CACNA1H: variants seen among roughly 807,000 people sequenced by gnomAD.
CACNA1H encodes calcium voltage-gated channel subunit alpha1 H.
A neutral mutation model predicts 192.5 loss-of-function variants in CACNA1H; 149 were observed. The observed-to-expected ratio is 0.77, with a 90% CI of 0.68 to 0.89. The LOEUF (loss-of-function observed/expected upper bound fraction) is 0.89. Among genes scored for constraint, CACNA1H ranks in the 40% least tolerant of loss-of-function variants. The pLI, the probability that CACNA1H is intolerant of heterozygous loss-of-function variation, is 0.00. For synonymous variants in CACNA1H, 2,202 were observed against 1,475.2 expected (o/e 1.49, Z -11.29); for missense variants, 4,257 against 3,423.5 (o/e 1.24, Z -6.08).
At chr16:1,168,406 G>A (rs780923103) in intron 2 of CACNA1H, among the ~76,000 whole-genome samples, 23 of 152,114 alleles carry the variant, frequency 1.5e-4, no homozygotes, top group Non-Finnish European at 2.8e-4. Flanking sequence ...CCAACGATGT[G>A]GGGAGGCTCC....
intron 12 of CACNA1H, 197 bp from the exon 13 acceptor site, chr16:1,206,804 C>T (rs1596440023): frequency 1.7e-5 from 10 of 582,732 alleles, no homozygotes; most frequent in Admixed American, 3.0e-5. Flanking sequence ...GGAATGGACA[C>T]TACTGAGTTG....
At position 1,206,113 on chromosome 16, in the gene CACNA1H, G is replaced by A; in HGVS notation, c.2613G>A (p.Glu871=). 6.3e-7 allele frequency: 1 copy of A among 1,580,676 alleles called. No homozygotes were observed. Among genetic ancestry groups the A allele is most frequent in the Non-Finnish European group, 8.6e-7 (1 of 1,166,480 alleles). The change falls in exon 12 of 35, where the codon GAG becomes GAA. Residue 871 remains glutamate (E), a synonymous_variant. Coordinates refer to ENST00000348261, the MANE Select transcript of CACNA1H (RefSeq NM_021098.3). Reference sequence around the variant, plus strand: ...CCCCACCTGTCCGCAGCGTCTGGGAGATCGTGGGGCAGGCGGACGGTGGCT... The same window carrying A: ...CCCCACCTGTCCGCAGCGTCTGGGAAATCGTGGGGCAGGCGGACGGTGGCT... The part of the protein sequence containing the change: ...DGIIVVISVW[E]IVGQADGGLS...
chr16:1,193,265 G>C (rs909372520), intron 2 of CACNA1H, among the ~76,000 whole-genome samples: 2 of 152,248 alleles, frequency 1.3e-5, no homozygotes, highest in Non-Finnish European at 2.9e-5. Context: ...TGCTATTTGC[G>C]GCAGTTAGGG....
At chr16:1,216,787 A>G in intron 30 of CACNA1H, 145 bp from the exon 31 acceptor site, 2 of 630,826 alleles carry the variant, frequency 3.2e-6, no homozygotes, top group Non-Finnish European at 5.4e-6. Context: ...AGCTCTGGGA[A>G]CTTGCTTCCA....
intron 2 of CACNA1H, among the ~76,000 whole-genome samples, chr16:1,184,611 G>A (rs576393492): frequency 3.9e-5 from 6 of 152,372 alleles, no homozygotes; most frequent in African/African-American, 9.6e-5. Flanking sequence ...AGGTCTCAAG[G>A]GGCTGGAGGG....
At chr16:1,172,260 G>T (rs1049312505) in intron 2 of CACNA1H, among the ~76,000 whole-genome samples, 4 of 152,202 alleles carry the variant, frequency 2.6e-5, no homozygotes, top group Non-Finnish European at 5.9e-5. Context: ...GGGAGTTGGG[G>T]CTGGGGCTCC....
At position 1,210,946 on chromosome 16, in the gene CACNA1H, C is replaced by T. The variant is rs1175082193; in HGVS notation, c.4198C>T (p.Leu1400=). 3.1e-6 allele frequency: 5 copies of T among 1,598,710 alleles called. No homozygotes were observed. In the Admixed American group the frequency reaches 6.7e-5, roughly 21 times the overall value. ...CCTGGGTGTTCTGCGCGTGCTGCGTCTGCTGCGGACCCTGCGGCCTCTGAG... is the reference window on the plus strand; with the variant it reads ...CCTGGGTGTTCTGCGCGTGCTGCGTTTGCTGCGGACCCTGCGGCCTCTGAG... The part of the protein sequence containing the change: ...KILGVLRVLR[L]LRTLRPLRVI... Residue 1400 remains leucine (L), a synonymous_variant, in exon 21 of 35, where the codon CTG becomes TTG. Coordinates refer to ENST00000348261, the MANE Select transcript of CACNA1H (RefSeq NM_021098.3).
In CACNA1H at chr16:1,206,155, C is replaced by T. The variant is rs1291957976; in HGVS notation, c.2655C>T (p.Thr885=). 2.5e-6 allele frequency: 4 copies of T among 1,585,620 alleles called. No homozygotes were observed. The highest frequency in any genetic ancestry group is 3.5e-5 in the Admixed American group (2 of 56,524). The change falls in exon 12 of 35, where the codon ACC becomes ACT. Residue 885 remains threonine, a synonymous_variant. Transcript: ENST00000348261. Reference sequence around the variant, plus strand: ...ACGGTGGCTTGTCTGTGCTGCGCACCTTCCGGCTGCTGCGTGTGCTGAAGC... The same window carrying T: ...ACGGTGGCTTGTCTGTGCTGCGCACTTTCCGGCTGCTGCGTGTGCTGAAGC... ...QADGGLSVLR[T]FRLLRVLKLV...
At position 1,204,280 on chromosome 16, in the gene CACNA1H, G is replaced by C. The variant is rs971520094; in HGVS notation, c.2273G>C (p.Ser758Thr). 1.2e-6 allele frequency: 2 copies of C among 1,607,536 alleles called. No individual in the cohort carries two copies. Among genetic ancestry groups the C allele is most frequent in the African/African-American group, 2.7e-5 (2 of 74,910 alleles). Residue 758 changes from serine to threonine, a missense_variant, in exon 10 of 35, where the codon AGC becomes ACC. By Grantham distance (58) the Ser-to-Thr change is moderately conservative (BLOSUM62 1). Coordinates refer to ENST00000348261, the MANE Select transcript of CACNA1H (RefSeq NM_021098.3). ...ATDTPGPGPG[S>T]PQRRAQQRAA... ...GACACACCAGGCCCAGGCCCAGGCAGCCCCCAGCGGCGGGCACAGCAGAGG... is the reference window on the plus strand; with the variant it reads ...GACACACCAGGCCCAGGCCCAGGCACCCCCCAGCGGCGGGCACAGCAGAGG...
At chr16:1,196,188 T>G (rs1275173600) in intron 5 of CACNA1H, among the ~76,000 whole-genome samples, 165 bp downstream of exon 5, 1 of 152,238 alleles carries the variant, frequency 6.6e-6, no homozygotes, top group Non-Finnish European at 1.5e-5. Context: ...CCTGCCGCTA[T>G]CCGTGGGCCT....
chr16:1,191,137 C>T (rs1245175999), intron 2 of CACNA1H, among the ~76,000 whole-genome samples: 153 of 91,894 alleles, frequency 1.7e-3, no homozygotes, highest in African/African-American at 7.7e-3. Flanking sequence ...CACTCGGGGT[C>T]TCTCTGACTC....
At position 1,200,461 on chromosome 16, in the gene CACNA1H, T is replaced by A. The variant is rs1967714905; in HGVS notation, c.1009T>A (p.Cys337Ser). The A allele has an allele frequency of 6.2e-7, 1 of 1,611,746 alleles. No homozygotes were observed. The highest frequency in any genetic ancestry group is 8.5e-7 in the Non-Finnish European group (1 of 1,179,676). ...GGGGGTGGGCGCTGCACGCAACGCCTGCATCAACTGGAACCAGTACTACAA... is the reference window on the plus strand; with the variant it reads ...GGGGGTGGGCGCTGCACGCAACGCCAGCATCAACTGGAACCAGTACTACAA... ...AEGVGAARNA[C>S]INWNQYYNVC... The change falls in exon 7 of 35, where the codon TGC becomes AGC. Residue 337 changes from cysteine to serine, a missense_variant. Cys to Ser is a moderately radical substitution (Grantham distance 112). Transcript: ENST00000348261.
At chr16:1,165,053 C>T (rs1451089144) in intron 2 of CACNA1H, among the ~76,000 whole-genome samples, 2 of 152,220 alleles carry the variant, frequency 1.3e-5, no homozygotes, top group African/African-American at 4.8e-5. Flanking sequence ...GGGGTGGGAA[C>T]AGTGGCGCTC....
chr16:1,212,171 G>A (rs774516452), intron 25 of CACNA1H, 33 bp downstream of exon 25: 1 of 1,582,644 alleles, frequency 6.3e-7, no homozygotes, highest in South Asian at 1.1e-5. Flanking sequence ...GGCGGTGGCG[G>A]GTCGGTACCT....
At chr16:1,206,328 CCCCAGGGCAGCTGGGAGGCAAAGG>C (rs1345470807) in intron 12 of CACNA1H, 39 bp downstream of exon 12, 1 of 1,530,540 alleles carries the variant, frequency 6.5e-7, no homozygotes, top group African/African-American at 1.4e-5. Flanking sequence ...CAGTGTCTCA[CCCCAGGGCAGCTGGGAGGCAAAGG>C]CCCAGGGCAC....
chr16:1,218,696 C>A, intron 33 of CACNA1H, 45 bp downstream of exon 33: 1 of 1,453,816 alleles, frequency 6.9e-7, no homozygotes, highest in Non-Finnish European at 9.2e-7. Context: ...GGAAGCAGGA[C>A]AGGGAGGAAG....
At chr16:1,199,727 G>C (rs1413262695) in intron 6 of CACNA1H, among the ~76,000 whole-genome samples, 1 of 148,468 alleles carries the variant, frequency 6.7e-6, no homozygotes, top group African/African-American at 2.5e-5. Context: ...CTTCACCCCA[G>C]GGTCCCCTGA....
At chr16:1,174,922 C>A (rs1295132568) in intron 2 of CACNA1H, among the ~76,000 whole-genome samples, 1 of 142,770 alleles carries the variant, frequency 7.0e-6, no homozygotes, top group Non-Finnish European at 1.5e-5. Flanking sequence ...CGCACCTTCA[C>A]CCCCAACCCC....
intron 2 of CACNA1H, among the ~76,000 whole-genome samples, chr16:1,162,527 G>A (rs532239683): frequency 6.6e-5 from 10 of 152,284 alleles, no homozygotes; most frequent in Admixed American, 1.3e-4. Flanking sequence ...ACGCTTAGCC[G>A]TGAAGTGGGT....
Sources: gnomAD v4.1 joint callset for allele counts (sites outside exome capture counted in the v4.1 genomes callset) on GRCh38, gnomAD v4.1.1 for gene constraint, MANE v1.5 for transcripts, NCBI Gene and HGNC (gene_info 2026-07-23, HGNC 2026-07-21) for gene names.